The following RGS7 variants were observed in gnomAD, a reference collection of about 807,000 sequenced individuals.
The protein encoded by RGS7 is regulator of G protein signaling 7.
Under a neutral mutation model 81.1 loss-of-function variants are expected in RGS7, and 27 were observed. That is an observed-to-expected ratio of 0.33 (90% CI 0.25 to 0.46). The LOEUF (loss-of-function observed/expected upper bound fraction) is 0.46, where lower values mean the gene tolerates loss of function less well. Ranked by LOEUF, RGS7 falls within the 20% of genes least tolerant of loss-of-function variation. RGS7 has a pLI of 1.00. For missense variants in RGS7, 396 were observed against 607.4 expected, an observed-to-expected ratio of 0.65 and a Z score of 3.66; for synonymous variants, 208 against 207.7, an observed-to-expected ratio of 1.00 and a Z score of -0.01.
intron 3 of RGS7, among the ~76,000 whole-genome samples, chr1:241,090,902 C>T (rs1343932275): frequency 6.6e-6 from 1 of 152,144 alleles, no homozygotes; most frequent in Non-Finnish European, 1.5e-5. Flanking sequence ...GTCCCAGGTA[C>T]CCAGAATCCT....
rs145818989 is a variant in RGS7, at chr1:241,009,241, G to GT, written c.176-26113dup. Among the ~76,000 whole-genome samples, 1,520 of 152,296 alleles carry GT rather than the reference G, an allele frequency of 1.0e-2. 25 individuals are homozygous for GT. Among genetic ancestry groups the GT allele is most frequent in the African/African-American group, 0.034 (1,429 of 41,552 alleles). ...ACAAGCTGTAACTAATCAAATTGCT[G>GT]TAACTCATAAACCAGCCTTGTATGG... On this transcript the variant is annotated intron_variant, in intron 3 of 18. Transcript: ENST00000440928.
intron 10 of RGS7, 133 bp from the exon 11 acceptor site, chr1:240,816,548 C>G: frequency 1.5e-6 from 1 of 648,200 alleles, no homozygotes; most frequent in South Asian, 1.8e-5. Context: ...TAACAAAATT[C>G]AAAAGGCACT....
chr1:241,227,890 A>C (rs2075413940), intron 2 of RGS7, among the ~76,000 whole-genome samples: 1 of 152,276 alleles, frequency 6.6e-6, no homozygotes, highest in African/African-American at 2.4e-5. Context: ...GTTCCCCCTC[A>C]ATCTTTCTCA....
intron 3 of RGS7, among the ~76,000 whole-genome samples, chr1:241,000,633 ATTTCT>A (rs10536488): frequency 0.18 from 26,641 of 150,538 alleles, 2,561 homozygotes; most frequent in Middle Eastern, 0.31. Flanking sequence ...TTCCTCATTT[ATTTCT>A]TTTCTTTTCT....
At chr1:241,118,804 C>T (rs951072086) in intron 2 of RGS7, among the ~76,000 whole-genome samples, 1 of 152,066 alleles carries the variant, frequency 6.6e-6, no homozygotes, top group African/African-American at 2.4e-5. Context: ...AAACCAAATA[C>T]CTTTTGTTCT....
intron 2 of RGS7, among the ~76,000 whole-genome samples, chr1:241,261,731 G>A (rs2077346099): frequency 6.6e-6 from 1 of 150,646 alleles, no homozygotes; most frequent in African/African-American, 2.5e-5. Flanking sequence ...GAAGACAGAT[G>A]CTAAATAAGG....
At chr1:241,012,101 A>G (rs1009595455) in intron 3 of RGS7, among the ~76,000 whole-genome samples, 4 of 152,158 alleles carry the variant, frequency 2.6e-5, no homozygotes, top group Non-Finnish European at 4.4e-5. Context: ...CCAGTTATAG[A>G]CAACAGTAGT....
chr1:241,205,269 A>T, intron 2 of RGS7, among the ~76,000 whole-genome samples: 1 of 147,688 alleles, frequency 6.8e-6, no homozygotes, highest in African/African-American at 2.5e-5. Flanking sequence ...TTCAGTAGAG[A>T]CGGGGTTTCA....
intron 2 of RGS7, among the ~76,000 whole-genome samples, chr1:241,198,334 A>C (rs1199681025): frequency 6.6e-6 from 1 of 152,058 alleles, no homozygotes; most frequent in Admixed American, 6.5e-5. Flanking sequence ...ACTAGAAAAC[A>C]ATAAAAAATA....
chr1:240,908,908 G>A (rs1671279824), intron 6 of RGS7, among the ~76,000 whole-genome samples: 1 of 152,168 alleles, frequency 6.6e-6, no homozygotes. Context: ...TTTCCTTCAG[G>A]TTGCAGGGAA....
intron 3 of RGS7, among the ~76,000 whole-genome samples, chr1:241,035,010 T>A (rs1474709369): frequency 6.6e-6 from 1 of 152,140 alleles, no homozygotes; most frequent in Admixed American, 6.5e-5. Context: ...TGGATGCTCT[T>A]TAAAAGAGAA....
intron 2 of RGS7, among the ~76,000 whole-genome samples, chr1:241,174,087 T>C (rs2070931383): frequency 6.6e-6 from 1 of 152,232 alleles, no homozygotes. Context: ...ATGAGAATTA[T>C]AGGACTTGCT....
intron 6 of RGS7, among the ~76,000 whole-genome samples, chr1:240,874,886 C>T (rs261824): frequency 0.34 from 52,259 of 151,614 alleles, 9,587 homozygotes; most frequent in African/African-American, 0.46. Context: ...ACTAAAAATA[C>T]CAAAATTTAG....
intron 2 of RGS7, among the ~76,000 whole-genome samples, chr1:241,322,107 G>C (rs943155208): frequency 2.0e-5 from 3 of 152,116 alleles, no homozygotes; most frequent in Admixed American, 1.3e-4. Flanking sequence ...TCTGAAGCCT[G>C]TCTAGATTAT....
chr1:240,873,250 G>A (rs1373553395), intron 6 of RGS7, among the ~76,000 whole-genome samples: 1 of 152,082 alleles, frequency 6.6e-6, no homozygotes, highest in Admixed American at 6.6e-5. Flanking sequence ...AATATTTCCT[G>A]CTGTGATGAA....
At chr1:241,038,000 G>A (rs780892615) in intron 3 of RGS7, among the ~76,000 whole-genome samples, 2 of 152,092 alleles carry the variant, frequency 1.3e-5, no homozygotes, top group African/African-American at 2.4e-5. Context: ...ACAGCATTTT[G>A]GGTACAGTGT....
intron 5 of RGS7, among the ~76,000 whole-genome samples, chr1:240,933,176 C>T (rs1356099495): frequency 6.6e-6 from 1 of 151,810 alleles, no homozygotes; most frequent in Non-Finnish European, 1.5e-5. Flanking sequence ...GCCACCGCGC[C>T]CGGCCGGTGT....
At chr1:240,779,259 C>G (rs866134348) in intron 18 of RGS7, among the ~76,000 whole-genome samples, 3 of 151,708 alleles carry the variant, frequency 2.0e-5, no homozygotes, top group African/African-American at 7.3e-5. Flanking sequence ...TGGGTTCAAG[C>G]GATTCTCCTA....
chr1:240,898,410 G>T (rs1474632278), intron 6 of RGS7, among the ~76,000 whole-genome samples: 1 of 152,032 alleles, frequency 6.6e-6, no homozygotes. Context: ...GCTTTCTCTT[G>T]TGGTCATTTA....
Sources: gnomAD v4.1 joint callset for allele counts (sites outside exome capture counted in the v4.1 genomes callset) on GRCh38, gnomAD v4.1.1 for gene constraint, MANE v1.5 for transcripts, NCBI Gene and HGNC (gene_info 2026-07-23, HGNC 2026-07-21) for gene names.